ADGRL3: variants seen among roughly 807,000 people sequenced by gnomAD.
ADGRL3 encodes adhesion G protein-coupled receptor L3.
ADGRL3 carries 62 observed loss-of-function variants against 153.5 expected under a neutral mutation model. The ratio of observed to expected loss-of-function variants is 0.40; its 90% CI spans 0.33 to 0.50. The LOEUF (loss-of-function observed/expected upper bound fraction) is 0.50. ADGRL3 is among the 20% of genes least tolerant of loss of function. The pLI, the probability that ADGRL3 is intolerant of heterozygous loss-of-function variation, is 0.47. For synonymous variants in ADGRL3, 710 were observed against 672.5 expected (o/e 1.06, Z -0.86); for missense variants, 1,641 against 1,859.4 (o/e 0.88, Z 2.16).
rs566892001 is a variant in ADGRL3, at chr4:61,509,037, G to A, written c.56-8278G>A. Among the ~76,000 whole-genome samples, 11 of 152,040 alleles carry A rather than the reference G, an allele frequency of 7.2e-5. No homozygotes were observed. The South Asian group carries it at 1.9e-3, about 26-fold the overall frequency. ...ACCCCCATGATTCAAACGATCCCAC[G>A]GGTTCCATCCCACAACCCGTGGGAA... On this transcript the variant is annotated intron_variant, in intron 3 of 26. Transcript: ENST00000683033.
intron 9 of ADGRL3, among the ~76,000 whole-genome samples, chr4:61,870,085 A>G (rs898484425): frequency 1.3e-5 from 2 of 151,942 alleles, no homozygotes; most frequent in Non-Finnish European, 2.9e-5. Context: ...TTGGGACTCA[A>G]TGTGGTGTTG....
chr4:61,653,209 G>GAGCCA, intron 5 of ADGRL3, among the ~76,000 whole-genome samples: 2 of 143,542 alleles, frequency 1.4e-5, no homozygotes, highest in African/African-American at 5.4e-5. Context: ...CACACACACA[G>GAGCCA]AGCCATATGA....
intron 2 of ADGRL3, among the ~76,000 whole-genome samples, chr4:61,437,807 T>C (rs1000568257): frequency 6.6e-6 from 1 of 152,104 alleles, no homozygotes; most frequent in South Asian, 2.1e-4. Flanking sequence ...ACTTAACTCA[T>C]GTTGTTTTCC....
intron 6 of ADGRL3, among the ~76,000 whole-genome samples, chr4:61,710,544 G>T (rs2095954308): frequency 1.3e-5 from 2 of 152,128 alleles, no homozygotes; most frequent in South Asian, 4.1e-4. Context: ...AGTTTATTGA[G>T]TATTTGAATT....
At chr4:61,653,742 T>A (rs2094350421) in intron 5 of ADGRL3, among the ~76,000 whole-genome samples, 1 of 152,188 alleles carries the variant, frequency 6.6e-6, no homozygotes, top group Non-Finnish European at 1.5e-5. Context: ...CCATTGTTTT[T>A]AGCAAAATCT....
At chr4:61,219,523 C>T (rs1332493225) in intron 1 of ADGRL3, among the ~76,000 whole-genome samples, 2 of 152,156 alleles carry the variant, frequency 1.3e-5, no homozygotes, top group East Asian at 3.9e-4. Context: ...ATACTCATTA[C>T]TGAAGTCAGG....
chr4:61,593,347 G>GT (rs936844736), intron 5 of ADGRL3, among the ~76,000 whole-genome samples: 21 of 151,494 alleles, frequency 1.4e-4, no homozygotes, highest in Non-Finnish European at 2.1e-4. Flanking sequence ...TACCAGGGAG[G>GT]TTTTTTTTGT....
At position 61,419,401 on chromosome 4, in the gene ADGRL3, C is replaced by T. The variant is rs556919962; in HGVS notation, c.-174+36212C>T. Among the ~76,000 whole-genome samples the T allele has an allele frequency of 1.1e-3, 165 of 150,816 alleles. 17 individuals are homozygous for T. The highest frequency in any genetic ancestry group is 4.0e-3 in the African/African-American group (163 of 40,734). ...ATTCACTTATTCCAGTTCAGGGTCG[C>T]CAGTGGCCAGAGCCAACCCAGGGGG... On this transcript the variant is annotated intron_variant, in intron 2 of 26. Transcript: ENST00000683033.
At chr4:61,344,999 T>C (rs2095872335) in intron 1 of ADGRL3, among the ~76,000 whole-genome samples, 1 of 151,580 alleles carries the variant, frequency 6.6e-6, no homozygotes, top group Non-Finnish European at 1.5e-5. Context: ...GGTTTCAGCA[T>C]GTTGGCCAGG....
At chr4:61,934,253 C>T (rs1216835552) in intron 13 of ADGRL3, among the ~76,000 whole-genome samples, 1 of 152,092 alleles carries the variant, frequency 6.6e-6, no homozygotes. Context: ...GGAGGTTTCT[C>T]TTTATACATA....
intron 1 of ADGRL3, among the ~76,000 whole-genome samples, chr4:61,306,801 A>G (rs2094805996): frequency 6.6e-6 from 1 of 152,218 alleles, no homozygotes; most frequent in Non-Finnish European, 1.5e-5. Flanking sequence ...CCAGAAAGTT[A>G]TCTGTTGCCC....
At chr4:61,675,616 G>GC (rs2095160700) in intron 5 of ADGRL3, among the ~76,000 whole-genome samples, 1 of 139,172 alleles carries the variant, frequency 7.2e-6, no homozygotes, top group South Asian at 2.3e-4. Flanking sequence ...TTGTATTCAT[G>GC]TTTTTTTTTT....
At chr4:61,641,602 C>G (rs571140038) in intron 5 of ADGRL3, among the ~76,000 whole-genome samples, 1 of 152,126 alleles carries the variant, frequency 6.6e-6, no homozygotes, top group African/African-American at 2.4e-5. Flanking sequence ...CATGTCCCTA[C>G]AAAGGACATG....
intron 8 of ADGRL3, among the ~76,000 whole-genome samples, chr4:61,767,128 A>C: frequency 6.6e-6 from 1 of 151,940 alleles, no homozygotes; most frequent in African/African-American, 2.4e-5. Flanking sequence ...GAGTAGAGGT[A>C]TCTTATACTT....
intron 5 of ADGRL3, among the ~76,000 whole-genome samples, chr4:61,603,654 A>T (rs2099021000): frequency 6.6e-6 from 1 of 152,206 alleles, no homozygotes. Context: ...ATTTTCAGTA[A>T]GAAAAAATGA....
intron 1 of ADGRL3, among the ~76,000 whole-genome samples, chr4:61,371,657 C>G (rs922329307): frequency 7.9e-5 from 12 of 152,116 alleles, no homozygotes; most frequent in Non-Finnish European, 1.5e-4. Context: ...TCTGGCTACC[C>G]TTAACATTTT....
At chr4:61,241,496 T>G (rs377310752) in intron 1 of ADGRL3, among the ~76,000 whole-genome samples, 4 of 152,188 alleles carry the variant, frequency 2.6e-5, no homozygotes, top group East Asian at 3.9e-4. Context: ...CTTGGAAATA[T>G]TTTTAAAGAT....
At chr4:61,297,758 A>G (rs957538627) in intron 1 of ADGRL3, among the ~76,000 whole-genome samples, 1 of 151,728 alleles carries the variant, frequency 6.6e-6, no homozygotes, top group Non-Finnish European at 1.5e-5. Context: ...GTTAAATGAA[A>G]TACCCTCTGG....
At chr4:61,499,051 T>C (rs1191193401) in intron 3 of ADGRL3, among the ~76,000 whole-genome samples, 1 of 152,226 alleles carries the variant, frequency 6.6e-6, no homozygotes, top group African/African-American at 2.4e-5. Context: ...TTTTAGCCTC[T>C]TTAGCTCACT....
Sources: gnomAD v4.1 joint callset for allele counts (sites outside exome capture counted in the v4.1 genomes callset) on GRCh38, gnomAD v4.1.1 for gene constraint, MANE v1.5 for transcripts, NCBI Gene and HGNC (gene_info 2026-07-23, HGNC 2026-07-21) for gene names.